MRPL1: variants seen among roughly 807,000 people sequenced by gnomAD.
MRPL1 encodes mitochondrial ribosomal protein L1.
In MRPL1, 28 loss-of-function variants were observed where a neutral mutation model predicts 38.0. The ratio of observed to expected loss-of-function variants is 0.74; its 90% CI spans 0.55 to 1.01. The LOEUF (loss-of-function observed/expected upper bound fraction) is 1.01. Ranked by LOEUF, MRPL1 falls within the 50% of genes least tolerant of loss-of-function variation. The pLI is 0.00. For synonymous variants in MRPL1, 123 were observed against 126.7 expected (o/e 0.97, Z 0.20); for missense variants, 358 against 389.8 (o/e 0.92, Z 0.69).
intron 7 of MRPL1, among the ~76,000 whole-genome samples, chr4:77,932,055 T>C (rs1007670192): frequency 6.6e-6 from 1 of 152,160 alleles, no homozygotes; most frequent in African/African-American, 2.4e-5. Context: ...ACAGTTACCA[T>C]TGGCAGCACA....
At chr4:77,950,248 AT>A (rs1317156459) in intron 8 of MRPL1, among the ~76,000 whole-genome samples, 2 of 152,228 alleles carry the variant, frequency 1.3e-5, no homozygotes, top group Non-Finnish European at 2.9e-5. Flanking sequence ...TCACTTTGTC[AT>A]TGGCACTAGC....
At chr4:77,900,350 G>A (rs1455202766) in intron 6 of MRPL1, among the ~76,000 whole-genome samples, 1 of 152,162 alleles carries the variant, frequency 6.6e-6, no homozygotes, top group Admixed American at 6.5e-5. Flanking sequence ...TAAACACTGA[G>A]GAGAGAGAGA....
At chr4:77,891,602 C>T (rs1262253449) in intron 5 of MRPL1, among the ~76,000 whole-genome samples, 2 of 152,140 alleles carry the variant, frequency 1.3e-5, no homozygotes, top group Non-Finnish European at 2.9e-5. Flanking sequence ...GTGATCTGCC[C>T]GCCTTGGCCT....
chr4:77,878,399 G>A (rs544114223), intron 2 of MRPL1, among the ~76,000 whole-genome samples: 1 of 152,188 alleles, frequency 6.6e-6, no homozygotes, highest in Non-Finnish European at 1.5e-5. Context: ...CCATTAATAT[G>A]CCCTAGGCAT....
At chr4:77,877,178 G>C (rs1735415307) in intron 2 of MRPL1, among the ~76,000 whole-genome samples, 1 of 152,194 alleles carries the variant, frequency 6.6e-6, no homozygotes, top group African/African-American at 2.4e-5. Flanking sequence ...GGGATTACAG[G>C]CGTTAGCCAC....
chr4:77,880,553 A>G (rs921045896), intron 2 of MRPL1, among the ~76,000 whole-genome samples: 1 of 147,796 alleles, frequency 6.8e-6, no homozygotes, highest in African/African-American at 2.5e-5. Context: ...GGGAATTAGG[A>G]TATGGGTCTC....
chr4:77,878,245 A>G lies in MRPL1; in HGVS notation c.144-4997A>G, dbSNP rs140045116. Among the ~76,000 whole-genome samples the G allele has an allele frequency of 5.0e-3, 768 of 152,264 alleles. 15 individuals are homozygous for G. The highest frequency in any genetic ancestry group is 0.039 in the Admixed American group (598 of 15,298). On this transcript the variant is annotated intron_variant, in intron 2 of 8. Coordinates refer to ENST00000315567, the MANE Select transcript of MRPL1 (RefSeq NM_020236.4). ...TTTATCGAGCTCTTTCTCGTTGTTA[A>G]TGGTCTTTCCAGCTTTTACATTTTA...
At chr4:77,865,680 A>T (rs1735113076) in intron 1 of MRPL1, among the ~76,000 whole-genome samples, 2 of 152,098 alleles carry the variant, frequency 1.3e-5, no homozygotes, top group Admixed American at 1.3e-4. Flanking sequence ...TCCTCTCTGT[A>T]TCTCACACTT....
At chr4:77,939,057 C>A (rs1737057767) in intron 7 of MRPL1, among the ~76,000 whole-genome samples, 1 of 152,120 alleles carries the variant, frequency 6.6e-6, no homozygotes. Flanking sequence ...AGTCTTTTAT[C>A]CCTCACTCCC....
chr4:77,886,253 G>A (rs745532058), intron 4 of MRPL1, among the ~76,000 whole-genome samples: 4 of 151,856 alleles, frequency 2.6e-5, no homozygotes, highest in South Asian at 2.1e-4. Flanking sequence ...CTATAGCCTC[G>A]GACTCCTGGG....
intron 7 of MRPL1, among the ~76,000 whole-genome samples, chr4:77,944,655 GGTATT>G (rs1365070140): frequency 6.6e-6 from 1 of 152,082 alleles, no homozygotes; most frequent in South Asian, 2.1e-4. Context: ...TAAGTTGTAT[GGTATT>G]AACATCTAAA....
At chr4:77,872,440 G>A (rs1735302840) in intron 2 of MRPL1, among the ~76,000 whole-genome samples, 1 of 152,010 alleles carries the variant, frequency 6.6e-6, no homozygotes, top group African/African-American at 2.4e-5. Flanking sequence ...GTATAAATTT[G>A]TATTATTTTG....
At chr4:77,867,507 G>A (rs1039234913) in intron 1 of MRPL1, among the ~76,000 whole-genome samples, 3 of 152,136 alleles carry the variant, frequency 2.0e-5, no homozygotes, top group African/African-American at 7.2e-5. Context: ...ATCTATTGAG[G>A]AGCAGGAATT....
chr4:77,944,846 C>T (rs957124171), intron 7 of MRPL1, among the ~76,000 whole-genome samples: 5 of 152,030 alleles, frequency 3.3e-5, no homozygotes, highest in Admixed American at 3.3e-4. Context: ...ATAAAGATCA[C>T]GAACTTGTAA....
intron 5 of MRPL1, among the ~76,000 whole-genome samples, chr4:77,890,438 C>G (rs1441344095): frequency 1.3e-5 from 2 of 152,100 alleles, no homozygotes; most frequent in African/African-American, 4.8e-5. Context: ...ATTCAACAGC[C>G]CTTCATGCTA....
intron 6 of MRPL1, among the ~76,000 whole-genome samples, chr4:77,901,428 G>A (rs1421414057): frequency 6.6e-6 from 1 of 151,088 alleles, no homozygotes; most frequent in Admixed American, 6.6e-5. Flanking sequence ...TATGATAATT[G>A]GAAATGGACC....
chr4:77,886,975 T>C (rs1013658489), intron 4 of MRPL1, among the ~76,000 whole-genome samples: 3 of 151,746 alleles, frequency 2.0e-5, no homozygotes, highest in African/African-American at 4.8e-5. Flanking sequence ...ATATTTTTAG[T>C]AGAGACAGTT....
At chr4:77,900,629 T>C (rs1203485551) in intron 6 of MRPL1, among the ~76,000 whole-genome samples, 1 of 152,252 alleles carries the variant, frequency 6.6e-6, no homozygotes, top group East Asian at 1.9e-4. Flanking sequence ...TGTTATCAGA[T>C]ACTGGTGGTC....
intron 7 of MRPL1, among the ~76,000 whole-genome samples, chr4:77,926,612 CT>C (rs113752899): frequency 4.5e-4 from 61 of 134,924 alleles, no homozygotes; most frequent in African/African-American, 5.8e-4. Flanking sequence ...TTCTTTTTTA[CT>C]TTTTTTTTTT....
Sources: gnomAD v4.1 joint callset for allele counts (sites outside exome capture counted in the v4.1 genomes callset) on GRCh38, gnomAD v4.1.1 for gene constraint, MANE v1.5 for transcripts, NCBI Gene and HGNC (gene_info 2026-07-23, HGNC 2026-07-21) for gene names.